The following GREM1 variants were observed in gnomAD, a reference collection of about 807,000 sequenced individuals.
GREM1 encodes gremlin 1, DAN family BMP antagonist, also known as gremlin-1.
A neutral mutation model predicts 13.1 loss-of-function variants in GREM1; 6 were observed. The observed-to-expected ratio is 0.46, with a 90% CI of 0.25 to 0.91. The LOEUF (loss-of-function observed/expected upper bound fraction) is 0.91, where lower values mean the gene tolerates loss of function less well. Among genes scored for constraint, GREM1 ranks in the 40% least tolerant of loss-of-function variants. The probability of loss-of-function intolerance (pLI) is 0.18; values close to 1 mark genes in which losing one functional copy is unlikely to be tolerated. For synonymous variants in GREM1, 98 were observed against 93.7 expected, an observed-to-expected ratio of 1.05 and a Z score of -0.27; for missense variants, 185 against 233.9, an observed-to-expected ratio of 0.79 and a Z score of 1.36.
At position 32,738,217 on chromosome 15, in the gene GREM1, A is replaced by G. The variant is rs928054957; in HGVS notation, c.*6972A>G. ...ACATAATATTGTATGTAGAAATCCT[A>G]AGGAATTTACAAAAGAACTATTAGA... On this transcript the variant is annotated 3_prime_UTR_variant, in exon 2 of 2. Coordinates refer to ENST00000651154, the MANE Select transcript of GREM1 (RefSeq NM_013372.7). The G allele has an allele frequency of 1.3e-5, 2 of 151,592 alleles. No homozygotes were observed. Among genetic ancestry groups the G allele is most frequent in the Non-Finnish European group, 2.9e-5 (2 of 67,926 alleles). 9.4% of individuals were successfully genotyped at this position (151,592 alleles called of 1,614,324 possible). A position where few individuals can be genotyped will look rare whatever the true frequency, so the allele number is the denominator to read the frequency against.
rs2055783026 is a variant in GREM1, at chr15:32,743,917, G to A, written c.*12672G>A. On this transcript the variant is annotated 3_prime_UTR_variant, in exon 2 of 2. Coordinates refer to ENST00000651154, the MANE Select transcript of GREM1 (RefSeq NM_013372.7). ...AGCAAGTTCCTCAGTTCCTCACCAT[G>A]TGAACCTCTCTTCACGACTTAGTAA... 6.6e-6 allele frequency: 1 copy of A among 152,164 alleles called. No individual in the cohort carries two copies. Among genetic ancestry groups the A allele is most frequent in the Non-Finnish European group, 1.5e-5 (1 of 68,034 alleles). The allele number at this position is 152,164 out of a possible 1,614,324, so 9.4% of individuals were successfully genotyped here. A position where few individuals can be genotyped will look rare whatever the true frequency, so the allele number is the denominator to read the frequency against.
chr15:32,719,356 C>A (rs1242985701), intron 1 of GREM1, among the ~76,000 whole-genome samples: 1 of 152,218 alleles, frequency 6.6e-6, no homozygotes, highest in African/African-American at 2.4e-5. Context: ...CGACGGTCAC[C>A]GGGCCAGGCG....
rs1230648310 is a variant in GREM1 at position 32,744,819 on chromosome 15, T to C, written c.*13574T>C. 1 of 152,074 alleles carries C rather than the reference T, an allele frequency of 6.6e-6. No individual in the cohort carries two copies. The highest frequency in any genetic ancestry group is 1.5e-5 in the Non-Finnish European group (1 of 68,014). 9.4% of individuals were successfully genotyped at this position (152,074 alleles called of 1,614,324 possible). A position where few individuals can be genotyped will look rare whatever the true frequency, so the allele number is the denominator to read the frequency against. On this transcript the variant is annotated 3_prime_UTR_variant, in exon 2 of 2. Coordinates refer to ENST00000651154, the MANE Select transcript of GREM1 (RefSeq NM_013372.7). ...TTCCAGCAGATCCGGAGCTCCATTT[T>C]GTAGACAGAAATGAATGCTCTGTGC...
In GREM1 at chr15:32,718,093, C is replaced by A. The variant is rs993904188; in HGVS notation, c.-70C>A. 1 of 1,231,994 alleles carries A rather than the reference C, an allele frequency of 8.1e-7. No homozygotes were observed. The highest frequency in any genetic ancestry group is 1.7e-5 in the South Asian group (1 of 60,430). The allele number at this position is 1,231,994 out of a possible 1,614,324, so 76.3% of individuals were successfully genotyped here. The stretch of plus-strand genomic sequence containing the variant: ...CTGACCCCGCGCCGAGCCCCGGCGG[C>A]TCTGGCCGCGGCCGCACTCAGCGCC... On this transcript the variant is annotated 5_prime_UTR_variant, in exon 1 of 2. Coordinates refer to ENST00000651154, the MANE Select transcript of GREM1 (RefSeq NM_013372.7).
chr15:32,730,984 G>A lies in GREM1; in HGVS notation c.294G>A (p.Pro98=). 1.2e-6 allele frequency: 2 copies of A among 1,614,178 alleles called. No individual in the cohort carries two copies. The highest frequency in any genetic ancestry group is 1.3e-5 in the African/African-American group (1 of 75,048). ...YLKRDWCKTQ[P]LKQTIHEEGC... ...AGCGAGACTGGTGCAAAACCCAGCCGCTTAAGCAGACCATCCACGAGGAAG... is the reference window on the plus strand; with the variant it reads ...AGCGAGACTGGTGCAAAACCCAGCCACTTAAGCAGACCATCCACGAGGAAG... The change falls in exon 2 of 2, where the codon CCG becomes CCA. Residue 98 remains proline (P), a synonymous_variant. Coordinates refer to ENST00000651154, the MANE Select transcript of GREM1 (RefSeq NM_013372.7).
rs915201424 is a variant in GREM1, at chr15:32,733,486, A to T, written c.*2241A>T. The T allele has an allele frequency of 4.3e-6, 1 of 232,366 alleles. No individual in the cohort carries two copies. Among genetic ancestry groups the T allele is most frequent in the East Asian group, 6.8e-5 (1 of 14,720 alleles). 14.4% of individuals were successfully genotyped at this position (232,366 alleles called of 1,614,324 possible). Reference sequence around the variant, plus strand: ...TTAGGAGCTTGTACCACAGTCTTGCACATAAGTGCAGATTTGGCTCAAGTA... The same window carrying T: ...TTAGGAGCTTGTACCACAGTCTTGCTCATAAGTGCAGATTTGGCTCAAGTA... On this transcript the variant is annotated 3_prime_UTR_variant, in exon 2 of 2. Coordinates refer to ENST00000651154, the MANE Select transcript of GREM1 (RefSeq NM_013372.7).
chr15:32,735,351 A>C lies in GREM1; in HGVS notation c.*4106A>C, dbSNP rs1017915813. The C allele has an allele frequency of 6.6e-6, 1 of 152,184 alleles. No homozygotes were observed. Among genetic ancestry groups the C allele is most frequent in the Non-Finnish European group, 1.5e-5 (1 of 68,030 alleles). The allele number at this position is 152,184 out of a possible 1,614,324, so 9.4% of individuals were successfully genotyped here. A position where few individuals can be genotyped will look rare whatever the true frequency, so the allele number is the denominator to read the frequency against. On this transcript the variant is annotated 3_prime_UTR_variant, in exon 2 of 2. Coordinates refer to ENST00000651154, the MANE Select transcript of GREM1 (RefSeq NM_013372.7). The stretch of plus-strand genomic sequence containing the variant: ...TTTTCTTTGAATTGTTTCTCACTCA[A>C]TCTTCACGGTAGCTCAGTGAGGTAG...
chr15:32,729,257 C>T lies in GREM1; in HGVS notation c.-1-1433C>T, dbSNP rs564222016. Among the ~76,000 whole-genome samples the T allele has an allele frequency of 5.9e-5, 9 of 152,156 alleles. No individual in the cohort carries two copies. The South Asian group carries it at 8.3e-4, about 14-fold the overall frequency. ...GCCAGGATGGTCTCGATCTCCTGAC[C>T]TCGTGATCCGCCGCCCATCTGGGCC... On this transcript the variant is annotated intron_variant, in intron 1 of 1. Coordinates refer to ENST00000651154, the MANE Select transcript of GREM1 (RefSeq NM_013372.7).
At position 32,739,867 on chromosome 15, in the gene GREM1, C is replaced by T. The variant is rs1379258365; in HGVS notation, c.*8622C>T. On this transcript the variant is annotated 3_prime_UTR_variant, in exon 2 of 2. Transcript: ENST00000651154. Reference sequence around the variant, plus strand: ...GAGTTGGTTCACATATCCAAGACCTCCAACTTTTCTGAGGAGATTCCCAGA... The same window carrying T: ...GAGTTGGTTCACATATCCAAGACCTTCAACTTTTCTGAGGAGATTCCCAGA... The T allele has an allele frequency of 6.6e-6, 1 of 152,270 alleles. No individual in the cohort carries two copies. Among genetic ancestry groups the T allele is most frequent in the Admixed American group, 6.5e-5 (1 of 15,268 alleles). The allele number at this position is 152,270 out of a possible 1,614,324, so 9.4% of individuals were successfully genotyped here. A position where few individuals can be genotyped will look rare whatever the true frequency, so the allele number is the denominator to read the frequency against.
chr15:32,730,547 A>T (rs2055597179), intron 1 of GREM1, 143 bp from the exon 2 acceptor site: 1 of 620,826 alleles, frequency 1.6e-6, no homozygotes, highest in South Asian at 2.4e-5. Flanking sequence ...TACCTAATTC[A>T]TACAGGTACT....
rs1595857306 is a variant in GREM1 at position 32,738,130 on chromosome 15, A to C, written c.*6885A>C. The C allele has an allele frequency of 7.1e-5, 10 of 141,742 alleles. No homozygotes were observed. The highest frequency in any genetic ancestry group is 2.4e-4 in the African/African-American group (9 of 37,994). The allele number at this position is 141,742 out of a possible 1,614,324, so 8.8% of individuals were successfully genotyped here. On this transcript the variant is annotated 3_prime_UTR_variant, in exon 2 of 2. Coordinates refer to ENST00000651154, the MANE Select transcript of GREM1 (RefSeq NM_013372.7). ...AAAAAAAAAAAAAAAAAAAAAAAAAAAAAGAAAAGAAAAAAGTCATCCAGA... is the reference window on the plus strand; with the variant it reads ...AAAAAAAAAAAAAAAAAAAAAAAAACAAAGAAAAGAAAAAAGTCATCCAGA...
Position 32,738,988 on chromosome 15 carries a change from C to T in GREM1, c.*7743C>T, listed in dbSNP as rs1443068612. 6.6e-6 allele frequency: 1 copy of T among 152,092 alleles called. No individual in the cohort carries two copies. Among genetic ancestry groups the T allele is most frequent in the Non-Finnish European group, 1.5e-5 (1 of 68,016 alleles). The allele number at this position is 152,092 out of a possible 1,614,324, so 9.4% of individuals were successfully genotyped here. ...CAACAAAAATACTGAAAGCTTTCCC[C>T]ATACAGGAACTAACAGGATATCTGC... On this transcript the variant is annotated 3_prime_UTR_variant, in exon 2 of 2. Transcript: ENST00000651154.
At position 32,729,854 on chromosome 15, in the gene GREM1, G is replaced by GAA. The variant is rs34368909; in HGVS notation, c.-1-836_-1-835insAA. Among the ~76,000 whole-genome samples, 88,073 of 151,926 alleles carry GAA rather than the reference G, an allele frequency of 0.58. 27,500 individuals are homozygous for GAA. Among genetic ancestry groups the GAA allele is most frequent in the East Asian group, 0.77 (3,961 of 5,172 alleles). On this transcript the variant is annotated intron_variant, in intron 1 of 1. Coordinates refer to ENST00000651154, the MANE Select transcript of GREM1 (RefSeq NM_013372.7). ...AGAAAAATGTATATCGTGGTACAAAGTGATACATTGAGTATCTGTGCCCAG... is the reference window on the plus strand; with the variant it reads ...AGAAAAATGTATATCGTGGTACAAAGAATGATACATTGAGTATCTGTGCCCAG...
In GREM1 at chr15:32,718,224, C is replaced by T. The variant is rs982132437; in HGVS notation, c.-2+63C>T. The T allele has an allele frequency of 1.1e-5, 14 of 1,241,314 alleles. No homozygotes were observed. In the African/African-American group the frequency reaches 1.7e-4, roughly 15 times the overall value. The allele number at this position is 1,241,314 out of a possible 1,614,324, so 76.9% of individuals were successfully genotyped here. ...GGAGGGAAGAGGGCCGCAAACCAAC[C>T]CAGGACCCGCTCAGTTCCACGCGCG... is the stretch of plus-strand genomic sequence containing the variant. On this transcript the variant is annotated intron_variant, in intron 1 of 1. Coordinates refer to ENST00000651154, the MANE Select transcript of GREM1 (RefSeq NM_013372.7).
At position 32,718,082 on chromosome 15, in the gene GREM1, A is replaced by T; in HGVS notation, c.-81A>T. The T allele has an allele frequency of 8.2e-7, 1 of 1,217,808 alleles. No individual in the cohort carries two copies. The highest frequency in any genetic ancestry group is 1.0e-6 in the Non-Finnish European group (1 of 966,186). The allele number at this position is 1,217,808 out of a possible 1,614,324, so 75.4% of individuals were successfully genotyped here. On this transcript the variant is annotated 5_prime_UTR_variant, in exon 1 of 2. Transcript: ENST00000651154. ...TCTCGGTCCCGCTGACCCCGCGCCG[A>T]GCCCCGGCGGCTCTGGCCGCGGCCG... is the stretch of plus-strand genomic sequence containing the variant.
Position 32,730,747 on chromosome 15 carries a change from G to T in GREM1, c.57G>T (p.Leu19=). ...TGCTTCTCCTCTTGGGGACCCTGCTGCCGGCTGCTGAAGGGAAAAAGAAAG... is the reference window on the plus strand; with the variant it reads ...TGCTTCTCCTCTTGGGGACCCTGCTTCCGGCTGCTGAAGGGAAAAAGAAAG... ...GALLLLLGTL[L]PAAEGKKKGS... The change falls in exon 2 of 2, where the codon CTG becomes CTT. Residue 19 remains leucine, a synonymous_variant. Coordinates refer to ENST00000651154, the MANE Select transcript of GREM1 (RefSeq NM_013372.7). The T allele has an allele frequency of 6.2e-7, 1 of 1,604,280 alleles. No individual in the cohort carries two copies. The highest frequency in any genetic ancestry group is 8.5e-7 in the Non-Finnish European group (1 of 1,175,944).
chr15:32,737,304 G>A lies in GREM1; in HGVS notation c.*6059G>A, dbSNP rs1003455701. 5 of 152,050 alleles carry A rather than the reference G, an allele frequency of 3.3e-5. No homozygotes were observed. The highest frequency in any genetic ancestry group is 7.4e-5 in the Non-Finnish European group (5 of 68,018). The allele number at this position is 152,050 out of a possible 1,614,324, so 9.4% of individuals were successfully genotyped here. A position where few individuals can be genotyped will look rare whatever the true frequency, so the allele number is the denominator to read the frequency against. Reference sequence around the variant, plus strand: ...TAGTATTACCTTGATACCAAATTCTGACAAATACATCAAAAATAAAACCAT... The same window carrying A: ...TAGTATTACCTTGATACCAAATTCTAACAAATACATCAAAAATAAAACCAT... On this transcript the variant is annotated 3_prime_UTR_variant, in exon 2 of 2. Transcript: ENST00000651154.
Position 32,740,707 on chromosome 15 carries a change from G to A in GREM1, c.*9462G>A, listed in dbSNP as rs1193998729. On this transcript the variant is annotated 3_prime_UTR_variant, in exon 2 of 2. Transcript: ENST00000651154. Reference sequence around the variant, plus strand: ...ATGGCTGAACACTTCCCAAATATGAGGAAGAAAATGAACATTCTGATCCAA... The same window carrying A: ...ATGGCTGAACACTTCCCAAATATGAAGAAGAAAATGAACATTCTGATCCAA... The A allele has an allele frequency of 6.6e-6, 1 of 152,094 alleles. No individual in the cohort carries two copies. Among genetic ancestry groups the A allele is most frequent in the Non-Finnish European group, 1.5e-5 (1 of 68,014 alleles). 9.4% of individuals were successfully genotyped at this position (152,094 alleles called of 1,614,324 possible).
In GREM1 at chr15:32,736,467, A is replaced by G. The variant is rs2055698393; in HGVS notation, c.*5222A>G. ...CTCAGGAAAAACCCAAGAAAGCCTT[A>G]AGCTCTCACTTCAAGCTGATCTTGA... On this transcript the variant is annotated 3_prime_UTR_variant, in exon 2 of 2. Coordinates refer to ENST00000651154, the MANE Select transcript of GREM1 (RefSeq NM_013372.7). The G allele has an allele frequency of 6.6e-6, 1 of 152,194 alleles. No individual in the cohort carries two copies. The highest frequency in any genetic ancestry group is 2.1e-4 in the South Asian group (1 of 4,832). The allele number at this position is 152,194 out of a possible 1,614,324, so 9.4% of individuals were successfully genotyped here.
Sources: allele counts gnomAD v4.1 joint callset (sites outside exome capture counted in the v4.1 genomes callset), GRCh38; gene constraint gnomAD v4.1.1; transcripts MANE v1.5; gene names NCBI Gene and HGNC (gene_info 2026-07-23, HGNC 2026-07-21).